C12orf42: variants seen among roughly 807,000 people sequenced by gnomAD.
C12orf42 encodes uncharacterized protein C12orf42.
In C12orf42, 25 loss-of-function variants were observed where a neutral mutation model predicts 21.6. The ratio of observed to expected loss-of-function variants is 1.16; its 90% CI spans 0.84 to 1.62. C12orf42 has a LOEUF of 1.62. C12orf42 is among the 40% of genes most tolerant of loss of function. C12orf42 has a pLI of 0.00. For synonymous variants in C12orf42, 174 were observed against 175.0 expected, an observed-to-expected ratio of 0.99 and a Z score of 0.05; for missense variants, 483 against 459.3, an observed-to-expected ratio of 1.05 and a Z score of -0.47.
the C12orf42 span, among the ~76,000 whole-genome samples, chr12:103,535,598 T>G: frequency 6.6e-6 from 1 of 152,068 alleles, no homozygotes; most frequent in South Asian, 2.1e-4. Context: ...GGAGGTAATA[T>G]ATCAGATTTA....
At chr12:103,219,527 T>C in the C12orf42 span, among the ~76,000 whole-genome samples, 1 of 152,124 alleles carries the variant, frequency 6.6e-6, no homozygotes, top group Non-Finnish European at 1.5e-5. Flanking sequence ...AAAGGGCTAA[T>C]ATCCAGAATC....
At chr12:103,227,762 C>A in the C12orf42 span, among the ~76,000 whole-genome samples, 8 of 152,112 alleles carry the variant, frequency 5.3e-5, no homozygotes, top group Non-Finnish European at 1.0e-4. Flanking sequence ...GATTAAACAC[C>A]AAGGGAAGCC....
rs949060557 is a variant in C12orf42, at chr12:103,306,209, T to C, written c.396A>G (p.Ala132=). The C allele has an allele frequency of 6.2e-7, 1 of 1,613,938 alleles. No homozygotes were observed. The highest frequency in any genetic ancestry group is 1.3e-5 in the African/African-American group (1 of 75,048). ...ESYEEFRSSP[A]PSSETDEAPL... Reference sequence around the variant, plus strand: ...GGGCCTCATCAGTTTCACTGGATGGTGCTGGAGAGGAACGGAATTCTTCAT... The same window carrying C: ...GGGCCTCATCAGTTTCACTGGATGGCGCTGGAGAGGAACGGAATTCTTCAT... The change falls in exon 5 of 6, where the codon GCA becomes GCG. Residue 132 remains alanine (A), a synonymous_variant. Coordinates refer to ENST00000548883, the MANE Select transcript of C12orf42 (RefSeq NM_198521.5).
the C12orf42 span, among the ~76,000 whole-genome samples, chr12:103,560,994 A>C: frequency 1.3e-5 from 2 of 152,250 alleles, no homozygotes; most frequent in East Asian, 3.9e-4. Flanking sequence ...TGCTACCTGA[A>C]ATACTTCTTG....
chr12:103,131,795 G>C, the C12orf42 span, among the ~76,000 whole-genome samples: 26,592 of 151,970 alleles, frequency 0.17, 2,719 homozygotes, highest in Admixed American at 0.26. Context: ...TTGTTGAGGG[G>C]TGATGTTGTT....
the C12orf42 span, chr12:103,504,626 TGGAGGACATGC>T: frequency 6.8e-6 from 1 of 146,724 alleles, no homozygotes; most frequent in African/African-American, 2.6e-5. Flanking sequence ...ATTCAGAAGT[TGGAGGACATGC>T]TCACTGAGGT....
downstream of C12orf42, among the ~76,000 whole-genome samples, chr12:103,235,270 CT>C (rs1386871818): frequency 2.6e-5 from 4 of 152,092 alleles, no homozygotes; most frequent in Admixed American, 1.3e-4. Flanking sequence ...ATTACATTTC[CT>C]TTTTAGCTAG....
chr12:103,504,824 G>A, the C12orf42 span: 10 of 155,502 alleles, frequency 6.4e-5, no homozygotes, highest in East Asian at 1.9e-4. Context: ...CATATGGTCC[G>A]GAACATCAGG....
At chr12:103,426,017 C>A (rs1231272539) in intron 2 of C12orf42, among the ~76,000 whole-genome samples, 3 of 152,176 alleles carry the variant, frequency 2.0e-5, no homozygotes, top group Admixed American at 2.0e-4. Context: ...AAACCAGCCC[C>A]AAAAGGCTGA....
chr12:103,470,242 G>A (rs951748109), intron 2 of C12orf42, among the ~76,000 whole-genome samples: 3 of 152,190 alleles, frequency 2.0e-5, no homozygotes, highest in African/African-American at 7.2e-5. Flanking sequence ...CACACTGTCC[G>A]AGGCTGGTGG....
At chr12:103,497,596 C>T (rs545356613), upstream of C12orf42, among the ~76,000 whole-genome samples, 15 of 152,320 alleles carry the variant, frequency 9.8e-5, no homozygotes, top group African/African-American at 3.6e-4. Context: ...ACCATTCCTA[C>T]AGCTGCTGTT....
At chr12:103,494,980 G>T (rs537088886) in intron 1 of C12orf42, among the ~76,000 whole-genome samples, 1 of 152,230 alleles carries the variant, frequency 6.6e-6, no homozygotes, top group South Asian at 2.1e-4. Flanking sequence ...CCTGAAGTGC[G>T]GGGTTGGGGG....
chr12:103,337,170 T>C (rs1421823805), intron 4 of C12orf42, among the ~76,000 whole-genome samples: 1 of 152,220 alleles, frequency 6.6e-6, no homozygotes, highest in East Asian at 1.9e-4. Flanking sequence ...AAAAGTCAAC[T>C]GTAAACTAGA....
intron 2 of C12orf42, among the ~76,000 whole-genome samples, chr12:103,410,128 C>T (rs1244763259): frequency 6.6e-6 from 1 of 152,180 alleles, no homozygotes; most frequent in East Asian, 1.9e-4. Context: ...TCTCCCGTAA[C>T]TCTCCTACCC....
Position 103,379,440 on chromosome 12 carries a change from G to T in C12orf42, c.148-10442C>A, listed in dbSNP as rs538393712. 1.3e-4 allele frequency among the ~76,000 whole-genome samples: 19 copies of T among 151,880 alleles called. 1 individual carries two copies. The Middle Eastern group carries it at 0.031, about 245-fold the overall frequency. ...ACACGCTTCTAACTATGTGCTCTAA[G>T]GTGTCAAAGGAAAAAAAAATACTAA... is the stretch of plus-strand genomic sequence containing the variant. On this transcript the variant is annotated intron_variant, in intron 3 of 5. Transcript: ENST00000548883.
chr12:103,393,272 AG>A (rs528642841), intron 3 of C12orf42, among the ~76,000 whole-genome samples: 310 of 152,286 alleles, frequency 2.0e-3, no homozygotes, highest in African/African-American at 7.0e-3. Flanking sequence ...TCATGATGGA[AG>A]GGGAAGCGGG....
At chr12:103,249,515 A>T (rs1333062395) in intron 10 of C12orf42, among the ~76,000 whole-genome samples, 1 of 152,090 alleles carries the variant, frequency 6.6e-6, no homozygotes, top group Non-Finnish European at 1.5e-5. Flanking sequence ...TAGATTTCTA[A>T]AGAGAGCAAA....
chr12:103,063,292 T>C, the C12orf42 span, among the ~76,000 whole-genome samples: 4 of 152,160 alleles, frequency 2.6e-5, no homozygotes, highest in South Asian at 8.3e-4. Context: ...AGAGCTGAAA[T>C]TGTGGAAAAA....
chr12:103,555,383 C>T, the C12orf42 span, among the ~76,000 whole-genome samples: 53 of 152,158 alleles, frequency 3.5e-4, no homozygotes, highest in African/African-American at 1.1e-3. Context: ...TTCACTATCA[C>T]GAGAACAGCA....
Sources: gnomAD v4.1 joint callset for allele counts (sites outside exome capture counted in the v4.1 genomes callset) on GRCh38, gnomAD v4.1.1 for gene constraint, MANE v1.5 for transcripts, NCBI Gene and HGNC (gene_info 2026-07-23, HGNC 2026-07-21) for gene names.